Variants in ERC2 observed in about 807,000 individuals in gnomAD.
ERC2 encodes ERC protein 2.
A neutral mutation model predicts 114.8 loss-of-function variants in ERC2; 42 were observed. The ratio of observed to expected loss-of-function variants is 0.37; its 90% CI spans 0.29 to 0.47. The LOEUF is 0.47. Among genes scored for constraint, ERC2 ranks in the 20% least tolerant of loss-of-function variants. The pLI, the probability that ERC2 is intolerant of heterozygous loss-of-function variation, is 0.99. For synonymous variants in ERC2, 454 were observed against 425.5 expected, an observed-to-expected ratio of 1.07 and a Z score of -0.82; for missense variants, 939 against 1,150.7, an observed-to-expected ratio of 0.82 and a Z score of 2.66.
At chr3:56,110,806 T>C (rs1314387382) in intron 6 of ERC2, among the ~76,000 whole-genome samples, 2 of 152,140 alleles carry the variant, frequency 1.3e-5, no homozygotes, top group Non-Finnish European at 2.9e-5. Context: ...ATTCTACATA[T>C]CTAAATGGAT....
At chr3:55,569,059 AT>A (rs1251475053) in intron 17 of ERC2, among the ~76,000 whole-genome samples, 1 of 152,178 alleles carries the variant, frequency 6.6e-6, no homozygotes. Context: ...TCACGGAAGC[AT>A]TCCCTTGGGC....
At chr3:56,282,060 T>C (rs1021066737) in intron 3 of ERC2, among the ~76,000 whole-genome samples, 2 of 152,180 alleles carry the variant, frequency 1.3e-5, no homozygotes, top group African/African-American at 4.8e-5. Flanking sequence ...CTGTGCAAAG[T>C]GCTTTGCATA....
intron 2 of ERC2, among the ~76,000 whole-genome samples, chr3:56,322,154 G>A (rs1192896254): frequency 6.6e-6 from 1 of 152,168 alleles, no homozygotes; most frequent in Admixed American, 6.5e-5. Context: ...AATGTTAGTA[G>A]GATTAGATGA....
intron 10 of ERC2, among the ~76,000 whole-genome samples, chr3:55,992,565 C>T (rs559752826): frequency 3.8e-4 from 58 of 152,170 alleles, no homozygotes; most frequent in Non-Finnish European, 6.8e-4. Context: ...TCTTTATTCC[C>T]GGTCATTTGA....
At chr3:56,407,532 G>C (rs545716568) in intron 2 of ERC2, among the ~76,000 whole-genome samples, 18 of 152,232 alleles carry the variant, frequency 1.2e-4, no homozygotes, top group African/African-American at 4.3e-4. Flanking sequence ...GACCAACTTT[G>C]GGTGAGTCTA....
At chr3:56,164,157 A>T (rs1234331412) in intron 4 of ERC2, among the ~76,000 whole-genome samples, 1 of 152,058 alleles carries the variant, frequency 6.6e-6, no homozygotes, top group Non-Finnish European at 1.5e-5. Context: ...CACCCTTTTA[A>T]AGAGTATAAT....
At chr3:56,308,064 T>C (rs1316812195) in intron 2 of ERC2, among the ~76,000 whole-genome samples, 1 of 152,178 alleles carries the variant, frequency 6.6e-6, no homozygotes, top group African/African-American at 2.4e-5. Flanking sequence ...TGGATTACTC[T>C]GTCCTGTCCT....
chr3:55,684,664 GT>G (rs2062234017), intron 16 of ERC2, among the ~76,000 whole-genome samples: 1 of 152,302 alleles, frequency 6.6e-6, no homozygotes, highest in East Asian at 1.9e-4. Flanking sequence ...GTTGAAAAGT[GT>G]TTCGAAAATA....
chr3:56,289,076 T>C (rs2054910428), intron 3 of ERC2, among the ~76,000 whole-genome samples: 1 of 152,180 alleles, frequency 6.6e-6, no homozygotes, highest in South Asian at 2.1e-4. Context: ...TTCACCCACA[T>C]TCTCAACCTT....
At chr3:55,764,087 G>C (rs1434838561) in intron 14 of ERC2, among the ~76,000 whole-genome samples, 1 of 152,110 alleles carries the variant, frequency 6.6e-6, no homozygotes, top group East Asian at 1.9e-4. Context: ...TCTGTATTTA[G>C]TTCAGAATAA....
intron 10 of ERC2, among the ~76,000 whole-genome samples, chr3:56,000,211 C>T (rs1336870792): frequency 4.0e-5 from 6 of 151,750 alleles, no homozygotes; most frequent in African/African-American, 1.5e-4. Flanking sequence ...TAAAAATGAA[C>T]TAAAGATGGA....
At chr3:56,412,831 T>A (rs1402444749) in intron 2 of ERC2, among the ~76,000 whole-genome samples, 1 of 152,238 alleles carries the variant, frequency 6.6e-6, no homozygotes, top group Non-Finnish European at 1.5e-5. Flanking sequence ...ATTATTTTAT[T>A]CTAATATCTA....
intron 13 of ERC2, among the ~76,000 whole-genome samples, chr3:55,895,676 A>G (rs187117907): frequency 1.7e-4 from 26 of 152,292 alleles, no homozygotes; most frequent in African/African-American, 6.0e-4. Flanking sequence ...TACCTGACAT[A>G]GCACCAGTAT....
chr3:55,755,748 A>C (rs1318384678), intron 14 of ERC2, among the ~76,000 whole-genome samples: 1 of 152,172 alleles, frequency 6.6e-6, no homozygotes, highest in Non-Finnish European at 1.5e-5. Flanking sequence ...AGTGACCTCT[A>C]AAAATGTTGT....
At chr3:55,928,908 G>A (rs1024002477) in intron 13 of ERC2, among the ~76,000 whole-genome samples, 2 of 152,150 alleles carry the variant, frequency 1.3e-5, no homozygotes, top group Non-Finnish European at 2.9e-5. Context: ...TGTTGAAAAC[G>A]AGTTCACTGT....
chr3:55,777,464 C>A (rs905185833), intron 14 of ERC2, among the ~76,000 whole-genome samples: 1 of 152,238 alleles, frequency 6.6e-6, no homozygotes, highest in Non-Finnish European at 1.5e-5. Context: ...GGCATACAGG[C>A]ACCCCTGTGG....
intron 17 of ERC2, among the ~76,000 whole-genome samples, chr3:55,589,226 A>AAG (rs1308548378): frequency 1.3e-5 from 2 of 149,884 alleles, no homozygotes; most frequent in East Asian, 3.9e-4. Context: ...AAAAAAAAAA[A>AAG]AAAAAAAAGA....
At chr3:55,921,964 C>T (rs1193775291) in intron 13 of ERC2, among the ~76,000 whole-genome samples, 2 of 152,084 alleles carry the variant, frequency 1.3e-5, no homozygotes, top group East Asian at 1.9e-4. Context: ...TAAATTCTAA[C>T]GATTGTATAA....
At chr3:56,159,347 T>C (rs2081929427) in intron 4 of ERC2, among the ~76,000 whole-genome samples, 1 of 152,210 alleles carries the variant, frequency 6.6e-6, no homozygotes, top group Admixed American at 6.5e-5. Flanking sequence ...AAAAATCCTT[T>C]ATAATCTCTC....
Sources: gnomAD v4.1 joint callset for allele counts (sites outside exome capture counted in the v4.1 genomes callset) on GRCh38, gnomAD v4.1.1 for gene constraint, MANE v1.5 for transcripts, NCBI Gene and HGNC (gene_info 2026-07-23, HGNC 2026-07-21) for gene names.